The following REV3L variants were observed in gnomAD, a reference collection of about 807,000 sequenced individuals.
REV3L encodes DNA polymerase zeta catalytic subunit.
REV3L carries 69 observed loss-of-function variants against 299.4 expected under a neutral mutation model. The observed-to-expected ratio is 0.23, with a 90% CI of 0.19 to 0.28. REV3L has a LOEUF of 0.28. Ranked by LOEUF, REV3L falls within the 10% of genes least tolerant of loss-of-function variation. The pLI is 1.00. For missense variants in REV3L, 3,128 were observed against 3,693.8 expected, an observed-to-expected ratio of 0.85 and a Z score of 3.97; for synonymous variants, 1,238 against 1,271.4, an observed-to-expected ratio of 0.97 and a Z score of 0.56.
chr6:111,324,914 T>A (rs1383334634), intron 25 of REV3L, among the ~76,000 whole-genome samples: 3 of 150,018 alleles, frequency 2.0e-5, no homozygotes, highest in Admixed American at 1.3e-4. Context: ...CAGGCTGGAG[T>A]ACAGTGGCGC....
intron 31 of REV3L, among the ~76,000 whole-genome samples, chr6:111,300,737 T>C (rs1289298223): frequency 6.6e-6 from 1 of 152,198 alleles, no homozygotes; most frequent in African/African-American, 2.4e-5. Context: ...TCAATACTCT[T>C]ATAATTTCCT....
At chr6:111,411,959 CA>C in intron 2 of REV3L, 2 of 984,912 alleles carry the variant, frequency 2.0e-6, no homozygotes, top group South Asian at 9.4e-5. Context: ...ATGAGAGAAA[CA>C]GACCTTTCAG....
chr6:111,419,858 T>G (rs1035658695), intron 1 of REV3L, among the ~76,000 whole-genome samples: 2 of 152,208 alleles, frequency 1.3e-5, no homozygotes, highest in Non-Finnish European at 2.9e-5. Context: ...CTCTTTTTTT[T>G]TTTTGAGATG....
intron 26 of REV3L, among the ~76,000 whole-genome samples, chr6:111,316,129 T>C (rs1367160750): frequency 1.3e-5 from 2 of 151,694 alleles, no homozygotes; most frequent in Non-Finnish European, 2.9e-5. Flanking sequence ...TCCCAGCAAC[T>C]TGGGAGGCTG....
At chr6:111,415,441 G>A (rs1040959025) in intron 2 of REV3L, among the ~76,000 whole-genome samples, 4 of 152,146 alleles carry the variant, frequency 2.6e-5, no homozygotes, top group African/African-American at 9.7e-5. Context: ...GTGACAGACT[G>A]GAATTGAGTG....
At chr6:111,405,298 G>T in intron 4 of REV3L, 172 bp downstream of exon 4, 1 of 468,374 alleles carries the variant, frequency 2.1e-6, no homozygotes, top group Non-Finnish European at 3.5e-6. Flanking sequence ...TTTTTTCTGA[G>T]ATGCTTTTCC....
At chr6:111,473,540 T>C (rs1792516769) in intron 1 of REV3L, among the ~76,000 whole-genome samples, 2 of 152,064 alleles carry the variant, frequency 1.3e-5, no homozygotes. Flanking sequence ...TAATCTTTTG[T>C]TTTCTTAAAG....
chr6:111,367,154 T>C lies in REV3L; in HGVS notation c.6634A>G (p.Arg2212Gly). 6.2e-7 allele frequency: 1 copy of C among 1,606,918 alleles called. No homozygotes were observed. ...TPIIQRKLLERLPEAPGLSPL... is the reference protein window; with the variant it reads ...TPIIQRKLLEGLPEAPGLSPL... ...CTAAGGCCAGGTGCTTCAGGAAGCCTTTCCAGAAGTTTTCTCTGTATGATT... is the reference window on the plus strand; with the variant it reads ...CTAAGGCCAGGTGCTTCAGGAAGCCCTTCCAGAAGTTTTCTCTGTATGATT... Residue 2212 changes from arginine to glycine, a missense_variant, in exon 14 of 32, where the codon AGG (arginine) becomes GGG (glycine). Transcript: ENST00000368802.
chr6:111,353,022 T>C (rs1410380563), intron 18 of REV3L, among the ~76,000 whole-genome samples: 1 of 152,256 alleles, frequency 6.6e-6, no homozygotes, highest in Admixed American at 6.5e-5. Context: ...TTGTTCTTTA[T>C]AAATGCCAAA....
At chr6:111,333,032 G>T (rs1775549285) in intron 23 of REV3L, 91 bp downstream of exon 23, 2 of 1,459,886 alleles carry the variant, frequency 1.4e-6, no homozygotes, top group East Asian at 4.6e-5. Context: ...TAGGGAAGGT[G>T]TCCAGAGCAA....
intron 1 of REV3L, among the ~76,000 whole-genome samples, chr6:111,478,083 T>C (rs1430772219): frequency 1.3e-5 from 2 of 152,218 alleles, no homozygotes; most frequent in South Asian, 4.1e-4. Context: ...GTTGTCTTCA[T>C]CTGTCAATTA....
At chr6:111,454,562 A>C (rs1789949572) in intron 1 of REV3L, among the ~76,000 whole-genome samples, 1 of 152,084 alleles carries the variant, frequency 6.6e-6, no homozygotes, top group South Asian at 2.1e-4. Context: ...TTCCTCCTCC[A>C]TCCCACCCTC....
rs183375473 is a variant in REV3L at position 111,381,907 on chromosome 6, G to A, written c.1097-463C>T. On this transcript the variant is annotated intron_variant, in intron 9 of 31. Transcript: ENST00000368802. ...ATGTGTATTGGACTCTCTTTTGAAT[G>A]CATAAAAAATAAAGAGCTTAGTGTA... 1.6e-3 allele frequency among the ~76,000 whole-genome samples: 251 copies of A among 152,202 alleles called. 1 individual carries two copies. Among genetic ancestry groups the A allele is most frequent in the African/African-American group, 5.8e-3 (240 of 41,530 alleles).
At chr6:111,344,777 C>A (rs1474286914) in intron 20 of REV3L, among the ~76,000 whole-genome samples, 1 of 152,194 alleles carries the variant, frequency 6.6e-6, no homozygotes, top group Non-Finnish European at 1.5e-5. Flanking sequence ...ATTCTTAGGT[C>A]AGTTTCGGAT....
chr6:111,481,204 T>G (rs377542834), intron 1 of REV3L, among the ~76,000 whole-genome samples: 1 of 152,208 alleles, frequency 6.6e-6, no homozygotes, highest in Non-Finnish European at 1.5e-5. Context: ...ATTCGGAAAT[T>G]TGGCTGAACA....
intron 1 of REV3L, chr6:111,430,874 T>C (rs1388811664): frequency 6.2e-7 from 1 of 1,604,658 alleles, no homozygotes; most frequent in Non-Finnish European, 8.5e-7. Context: ...AACAACAATG[T>C]TGGGACTTCT....
At position 111,376,767 on chromosome 6, in the gene REV3L, G is replaced by C. The variant is rs752135365; in HGVS notation, c.1598-10C>G. ...TTGTTCAATGGATTGTCTGAAATGA[G>C]GAGGGAAAAACAGTTTATTTCATTT... On this transcript the variant is annotated splice_polypyrimidine_tract_variant and intron_variant, in intron 12 of 31. Coordinates refer to ENST00000368802, the MANE Select transcript of REV3L (RefSeq NM_001372078.1). 3 of 1,531,662 alleles carry C rather than the reference G, an allele frequency of 2.0e-6. No individual in the cohort carries two copies. The highest frequency in any genetic ancestry group is 2.6e-6 in the Non-Finnish European group (3 of 1,149,984). 94.9% of individuals were successfully genotyped at this position (1,531,662 alleles called of 1,614,324 possible).
intron 1 of REV3L, chr6:111,430,645 G>C (rs1786790724): frequency 2.0e-6 from 3 of 1,522,066 alleles, no homozygotes; most frequent in Non-Finnish European, 2.7e-6. Context: ...TGCTGGCCGA[G>C]AAGAGAGAGG....
intron 4 of REV3L, among the ~76,000 whole-genome samples, chr6:111,403,650 T>C (rs1582861368): frequency 6.6e-6 from 1 of 152,192 alleles, no homozygotes; most frequent in Non-Finnish European, 1.5e-5. Context: ...CTTTCTTTCC[T>C]AGCACCTTCC....
Sources: gnomAD v4.1 joint callset for allele counts (sites outside exome capture counted in the v4.1 genomes callset) on GRCh38, gnomAD v4.1.1 for gene constraint, MANE v1.5 for transcripts, NCBI Gene and HGNC (gene_info 2026-07-23, HGNC 2026-07-21) for gene names.